MACROD2: variants seen among roughly 807,000 people sequenced by gnomAD.
MACROD2 encodes the protein ADP-ribose glycohydrolase MACROD2.
Under a neutral mutation model 70.4 loss-of-function variants are expected in MACROD2, and 36 were observed. The ratio of observed to expected loss-of-function variants is 0.51; its 90% CI spans 0.39 to 0.68. The LOEUF (loss-of-function observed/expected upper bound fraction) is 0.68. Ranked by LOEUF, MACROD2 falls within the 30% of genes least tolerant of loss-of-function variation. MACROD2 has a pLI of 0.00. For missense variants in MACROD2, 496 were observed against 538.4 expected (o/e 0.92, Z 0.78); for synonymous variants, 172 against 178.8 (o/e 0.96, Z 0.30).
rs146554878 is a variant in MACROD2, at chr20:15,284,429, A to G, written c.540+54368A>G. Reference sequence around the variant, plus strand: ...TGTAGCTAATGGACTAATCACATCAATTCAGGTGAGGTTTAAATTTTTTGT... The same window carrying G: ...TGTAGCTAATGGACTAATCACATCAGTTCAGGTGAGGTTTAAATTTTTTGT... On this transcript the variant is annotated intron_variant, in intron 6 of 17. Transcript: ENST00000684519. 4.4e-3 allele frequency among the ~76,000 whole-genome samples: 676 copies of G among 152,286 alleles called. 7 individuals carry two copies. Among genetic ancestry groups the G allele is most frequent in the African/African-American group, 0.016 (649 of 41,572 alleles).
intron 5 of MACROD2, among the ~76,000 whole-genome samples, chr20:15,018,713 G>A (rs369861821): frequency 4.6e-5 from 7 of 151,882 alleles, no homozygotes; most frequent in Non-Finnish European, 8.8e-5. Flanking sequence ...CTTTATATTC[G>A]CTGGAAGCTG....
intron 8 of MACROD2, among the ~76,000 whole-genome samples, chr20:15,664,212 C>G (rs376410908): frequency 6.6e-6 from 1 of 152,128 alleles, no homozygotes; most frequent in African/African-American, 2.4e-5. Context: ...AGACAAGTCT[C>G]ACTTTGTTAA....
intron 6 of MACROD2, among the ~76,000 whole-genome samples, chr20:15,267,079 A>C (rs1279793536): frequency 6.6e-6 from 1 of 152,212 alleles, no homozygotes; most frequent in Non-Finnish European, 1.5e-5. Flanking sequence ...ACCAGCTCTA[A>C]GGACAAGAGC....
At chr20:15,063,461 A>G (rs559135420) in intron 5 of MACROD2, among the ~76,000 whole-genome samples, 18 of 152,342 alleles carry the variant, frequency 1.2e-4, no homozygotes, top group Non-Finnish European at 2.4e-4. Context: ...CCTGCCTATC[A>G]TGGAATTTAA....
chr20:16,044,451 C>G (rs2067350726), intron 16 of MACROD2, 120 bp from the exon 17 acceptor site: 1 of 830,374 alleles, frequency 1.2e-6, no homozygotes, highest in Non-Finnish European at 1.9e-6. Flanking sequence ...TGAATGAAAA[C>G]AAATGGAAAA....
chr20:15,070,515 A>G (rs1052795958), intron 5 of MACROD2, among the ~76,000 whole-genome samples: 1 of 152,120 alleles, frequency 6.6e-6, no homozygotes, highest in Non-Finnish European at 1.5e-5. Context: ...GGCAAGGTCT[A>G]GTGGGGAGTG....
chr20:15,621,997 G>A (rs918466052), intron 8 of MACROD2, among the ~76,000 whole-genome samples: 4 of 152,156 alleles, frequency 2.6e-5, no homozygotes, highest in Admixed American at 2.6e-4. Context: ...CACTAACTGT[G>A]GATGGGCTCT....
intron 6 of MACROD2, among the ~76,000 whole-genome samples, chr20:15,330,680 T>A (rs2146190002): frequency 6.6e-6 from 1 of 151,376 alleles, no homozygotes; most frequent in African/African-American, 2.4e-5. Flanking sequence ...CTGTTTGGGG[T>A]GGGGTAGTCA....
chr20:14,652,076 A>AC, intron 4 of MACROD2, among the ~76,000 whole-genome samples: 1 of 152,278 alleles, frequency 6.6e-6, no homozygotes, highest in South Asian at 2.1e-4. Context: ...GAGATACCCA[A>AC]CTAGGGTAGG....
chr20:14,574,219 G>T (rs1441615435), intron 4 of MACROD2, among the ~76,000 whole-genome samples: 2 of 152,070 alleles, frequency 1.3e-5, no homozygotes, highest in South Asian at 2.1e-4. Context: ...TTCTGCTCTC[G>T]TTGCTCCTTG....
intron 4 of MACROD2, among the ~76,000 whole-genome samples, chr20:14,601,535 T>G (rs1982499784): frequency 6.6e-6 from 1 of 152,192 alleles, no homozygotes. Context: ...AACAGTATTT[T>G]TTTTTTAATA....
At chr20:13,996,766 T>G (rs748556647) in intron 1 of MACROD2, among the ~76,000 whole-genome samples, 1 of 152,228 alleles carries the variant, frequency 6.6e-6, no homozygotes, top group Non-Finnish European at 1.5e-5. Flanking sequence ...TTTAGCTATT[T>G]ACAGAAATGT....
intron 3 of MACROD2, among the ~76,000 whole-genome samples, chr20:14,330,570 A>G (rs1012537976): frequency 3.9e-5 from 6 of 152,118 alleles, no homozygotes; most frequent in Non-Finnish European, 5.9e-5. Flanking sequence ...TGCTAACTAC[A>G]TACCAACATG....
At chr20:15,906,624 A>G (rs1261455047) in intron 10 of MACROD2, among the ~76,000 whole-genome samples, 1 of 152,112 alleles carries the variant, frequency 6.6e-6, no homozygotes, top group Admixed American at 6.6e-5. Flanking sequence ...TTCAAACTCA[A>G]ATTTCTCATT....
chr20:14,645,527 A>G (rs191474631), intron 4 of MACROD2, among the ~76,000 whole-genome samples: 2 of 152,144 alleles, frequency 1.3e-5, no homozygotes, highest in African/African-American at 4.8e-5. Flanking sequence ...CTTAATTTAT[A>G]ATCTTTTAAA....
At chr20:14,008,772 T>C (rs1176448908) in intron 2 of MACROD2, among the ~76,000 whole-genome samples, 1 of 152,082 alleles carries the variant, frequency 6.6e-6, no homozygotes, top group Non-Finnish European at 1.5e-5. Flanking sequence ...AGAACAGACA[T>C]AGACCAGTGG....
At chr20:15,736,049 C>T (rs904893238) in intron 8 of MACROD2, among the ~76,000 whole-genome samples, 1 of 152,186 alleles carries the variant, frequency 6.6e-6, no homozygotes, top group African/African-American at 2.4e-5. Context: ...GCCCTCACAG[C>T]TTCTTACTAA....
chr20:15,349,861 T>TC (rs1273107452), intron 6 of MACROD2, among the ~76,000 whole-genome samples: 1 of 152,100 alleles, frequency 6.6e-6, no homozygotes, highest in African/African-American at 2.4e-5. Flanking sequence ...TCTGTTTTCT[T>TC]CCCCTGGAGG....
At chr20:15,043,383 C>T (rs1024718430) in intron 5 of MACROD2, among the ~76,000 whole-genome samples, 17 of 152,218 alleles carry the variant, frequency 1.1e-4, no homozygotes, top group Non-Finnish European at 2.1e-4. Flanking sequence ...TTGCATGGGG[C>T]ATTGGCTCTC....
Sources: gnomAD v4.1 joint callset for allele counts (sites outside exome capture counted in the v4.1 genomes callset) on GRCh38, gnomAD v4.1.1 for gene constraint, MANE v1.5 for transcripts, NCBI Gene and HGNC (gene_info 2026-07-23, HGNC 2026-07-21) for gene names.